CDYL2: variants seen among roughly 807,000 people sequenced by gnomAD.
CDYL2 encodes chromodomain Y like 2, also known as chromodomain Y-like protein 2.
Under a neutral mutation model 49.4 loss-of-function variants are expected in CDYL2, and 23 were observed. The ratio of observed to expected loss-of-function variants is 0.47; its 90% confidence interval spans 0.34 to 0.66. The LOEUF (loss-of-function observed/expected upper bound fraction) is 0.66, where lower values mean the gene tolerates loss of function less well. Ranked by LOEUF, CDYL2 falls within the 30% of genes least tolerant of loss-of-function variation. The pLI, the probability that CDYL2 is intolerant of heterozygous loss-of-function variation, is 0.01. For synonymous variants in CDYL2, 360 were observed against 268.8 expected, an observed-to-expected ratio of 1.34 and a Z score of -3.32; for missense variants, 678 against 656.4, an observed-to-expected ratio of 1.03 and a Z score of -0.36.
Position 80,684,753 on chromosome 16 carries a change from G to A in CDYL2, c.401C>T (p.Thr134Met), listed in dbSNP as rs772092026. The A allele has an allele frequency of 1.3e-5, 21 of 1,614,066 alleles. No individual in the cohort carries two copies. The highest frequency in any genetic ancestry group is 2.7e-5 in the African/African-American group (2 of 74,922). The change falls in exon 2 of 7, where the codon ACG (threonine) becomes ATG (methionine). Residue 134 changes from threonine to methionine, a missense_variant. Coordinates refer to ENST00000570137, the MANE Select transcript of CDYL2 (RefSeq NM_152342.4). ...PSSGGDRATK[T>M]VSYRTTPSGL... The stretch of plus-strand genomic sequence containing the variant: ...ACTGGGGGTAGTCCTGTAAGACACC[G>A]TCTTGGTGGCCCTGTCACCTCCTGA...
At chr16:80,689,159 G>T (rs1049625892) in intron 1 of CDYL2, among the ~76,000 whole-genome samples, 1 of 152,188 alleles carries the variant, frequency 6.6e-6, no homozygotes, top group African/African-American at 2.4e-5. Context: ...AGCAATCTGA[G>T]ATGCTGAACT....
intron 1 of CDYL2, among the ~76,000 whole-genome samples, chr16:80,768,394 C>T (rs1906796736): frequency 6.6e-6 from 1 of 152,208 alleles, no homozygotes; most frequent in South Asian, 2.1e-4. Flanking sequence ...TTAGACTATT[C>T]AGGCTGCTAT....
intron 6 of CDYL2, 111 bp from the exon 7 acceptor site, chr16:80,604,657 G>A (rs1240963269): frequency 1.7e-6 from 2 of 1,145,294 alleles, no homozygotes; most frequent in Non-Finnish European, 2.6e-6. Flanking sequence ...AGCCAGAGAA[G>A]GCTGCCTCCT....
intron 3 of CDYL2, among the ~76,000 whole-genome samples, chr16:80,621,375 T>C (rs769135957): frequency 7.9e-5 from 12 of 152,282 alleles, no homozygotes; most frequent in Non-Finnish European, 1.5e-4. Flanking sequence ...CTTGCTCATC[T>C]TTCCTCCAGC....
At chr16:80,741,914 T>C (rs1183948322) in intron 1 of CDYL2, among the ~76,000 whole-genome samples, 3 of 152,214 alleles carry the variant, frequency 2.0e-5, no homozygotes, top group African/African-American at 7.2e-5. Context: ...ATGTTTTGGT[T>C]AGTAATTCCA....
At chr16:80,765,728 CAAAAAA>C (rs35740729) in intron 1 of CDYL2, among the ~76,000 whole-genome samples, 10 of 55,196 alleles carry the variant, frequency 1.8e-4, no homozygotes, top group South Asian at 7.1e-4. Context: ...GTATTAATCG[CAAAAAA>C]AAAAAAAAAA....
At chr16:80,669,262 G>A (rs1312721672) in intron 2 of CDYL2, among the ~76,000 whole-genome samples, 2 of 152,092 alleles carry the variant, frequency 1.3e-5, no homozygotes, top group Non-Finnish European at 2.9e-5. Flanking sequence ...AGCAGAGGAA[G>A]CATCCAGCAA....
At chr16:80,665,692 T>A (rs749153764) in intron 2 of CDYL2, among the ~76,000 whole-genome samples, 1 of 151,860 alleles carries the variant, frequency 6.6e-6, no homozygotes, top group South Asian at 2.1e-4. Flanking sequence ...GAGATGAAGA[T>A]GGGAGAAGCT....
At chr16:80,667,661 T>A (rs949014000) in intron 2 of CDYL2, among the ~76,000 whole-genome samples, 4 of 152,210 alleles carry the variant, frequency 2.6e-5, no homozygotes, top group Non-Finnish European at 5.9e-5. Flanking sequence ...TTCATATATG[T>A]GTACTGTATG....
intron 1 of CDYL2, among the ~76,000 whole-genome samples, chr16:80,770,470 A>C (rs938191092): frequency 2.6e-5 from 4 of 152,204 alleles, no homozygotes; most frequent in Non-Finnish European, 5.9e-5. Flanking sequence ...TGTATGTAGA[A>C]AAACAAAAGA....
In CDYL2 at chr16:80,762,761, T is replaced by C. The variant is rs372488316; in HGVS notation, c.24+41389A>G. 4.4e-4 allele frequency among the ~76,000 whole-genome samples: 67 copies of C among 152,242 alleles called. No homozygotes were observed. In the Middle Eastern group the frequency reaches 0.01, roughly 23 times the overall value. On this transcript the variant is annotated intron_variant, in intron 1 of 6. Coordinates refer to ENST00000570137, the MANE Select transcript of CDYL2 (RefSeq NM_152342.4). ...AGTGTCCAGCTGAGGTGAAGCAAGG[T>C]GACTCTCTGCCTTCTTGTTTGAGCT...
Position 80,668,101 on chromosome 16 carries a change from T to C in CDYL2, c.616+16437A>G, listed in dbSNP as rs77098119. 7.7e-4 allele frequency among the ~76,000 whole-genome samples: 117 copies of C among 152,344 alleles called. 3 individuals carry two copies. The East Asian group carries it at 0.022, about 28-fold the overall frequency. On this transcript the variant is annotated intron_variant, in intron 2 of 6. Coordinates refer to ENST00000570137, the MANE Select transcript of CDYL2 (RefSeq NM_152342.4). ...CCAGGTTTGGCAGGAGCAGGTCCCT[T>C]TGTAGGCAGCCCAGATGGCCATCAC...
intron 1 of CDYL2, among the ~76,000 whole-genome samples, chr16:80,799,391 A>G (rs1047978543): frequency 2.0e-5 from 3 of 152,144 alleles, no homozygotes; most frequent in Admixed American, 1.3e-4. Context: ...TTTCTTAACT[A>G]TATCTCCCAC....
intron 1 of CDYL2, among the ~76,000 whole-genome samples, chr16:80,705,068 T>C (rs1904360319): frequency 6.6e-6 from 1 of 152,206 alleles, no homozygotes; most frequent in Non-Finnish European, 1.5e-5. Context: ...TCACCAGTGC[T>C]TCGTCTACGC....
At chr16:80,744,539 T>G (rs965275620) in intron 1 of CDYL2, among the ~76,000 whole-genome samples, 1 of 152,136 alleles carries the variant, frequency 6.6e-6, no homozygotes. Context: ...GGTACTTTAT[T>G]TCCATCATTT....
intron 1 of CDYL2, among the ~76,000 whole-genome samples, chr16:80,756,618 G>A (rs1407107101): frequency 1.3e-5 from 2 of 151,874 alleles, no homozygotes; most frequent in Admixed American, 1.3e-4. Context: ...TGTTTCAGAC[G>A]ACAGTAAAAA....
chr16:80,779,487 G>T (rs1388552873), intron 1 of CDYL2, among the ~76,000 whole-genome samples: 1 of 151,882 alleles, frequency 6.6e-6, no homozygotes, highest in Non-Finnish European at 1.5e-5. Flanking sequence ...TTTACCAAGG[G>T]CATACTCATT....
intron 1 of CDYL2, among the ~76,000 whole-genome samples, chr16:80,701,575 G>A (rs1431958252): frequency 6.6e-6 from 1 of 152,068 alleles, no homozygotes; most frequent in Non-Finnish European, 1.5e-5. Context: ...AATTGCAAAC[G>A]TTAACTTTCA....
intron 2 of CDYL2, among the ~76,000 whole-genome samples, chr16:80,644,977 C>T (rs563176528): frequency 1.3e-5 from 2 of 152,176 alleles, no homozygotes; most frequent in African/African-American, 4.8e-5. Flanking sequence ...ACACCTTATA[C>T]AAAAATTAAT....
Sources: allele counts gnomAD v4.1 joint callset (sites outside exome capture counted in the v4.1 genomes callset), GRCh38; gene constraint gnomAD v4.1.1; transcripts MANE v1.5; gene names NCBI Gene and HGNC (gene_info 2026-07-23, HGNC 2026-07-21).